PHACTR2: variants seen among roughly 807,000 people sequenced by gnomAD.
PHACTR2 encodes chromosome 6 open reading frame 56.
PHACTR2 carries 30 observed loss-of-function variants against 76.0 expected under a neutral mutation model. The observed-to-expected ratio is 0.39, with a 90% CI of 0.30 to 0.54. The LOEUF (loss-of-function observed/expected upper bound fraction) is 0.54. Among genes scored for constraint, PHACTR2 ranks in the 20% least tolerant of loss-of-function variants. The pLI, the probability that PHACTR2 is intolerant of heterozygous loss-of-function variation, is 0.61. For missense variants in PHACTR2, 696 were observed against 781.1 expected (o/e 0.89, Z 1.30); for synonymous variants, 292 against 292.5 (o/e 1.00, Z 0.02).
upstream of PHACTR2, among the ~76,000 whole-genome samples, chr6:143,675,850 G>T (rs894160280): frequency 6.6e-6 from 1 of 152,112 alleles, no homozygotes; most frequent in Admixed American, 6.5e-5. This position sits in a 1 kb window ranked among gnomAD's most constrained non-coding sequence, Gnocchi z 4.9. Context: ...GTTCTAATAA[G>T]GCAAGAGTAA....
rs550204496 is a variant in PHACTR2, at chr6:143,774,681, A to G, written c.1589+466A>G. ...ACTCACTAGCATTCCTGGGAATGCC[A>G]TGAGGTTCTGCCCTGTGGACTGTGA... is the stretch of plus-strand genomic sequence containing the variant. On this transcript the variant is annotated intron_variant, in intron 8 of 12. Coordinates refer to ENST00000440869, the MANE Select transcript of PHACTR2 (RefSeq NM_001100164.2). This position sits in a 1 kb window ranked among gnomAD's most constrained non-coding sequence, Gnocchi z 5.4. 6.6e-6 allele frequency among the ~76,000 whole-genome samples: 1 copy of G among 152,212 alleles called. No individual in the cohort carries two copies. The highest frequency in any genetic ancestry group is 2.4e-5 in the African/African-American group (1 of 41,460).
At chr6:143,615,755 T>C (rs1177212391) in intron 1 of PHACTR2, among the ~76,000 whole-genome samples, 1 of 152,192 alleles carries the variant, frequency 6.6e-6, no homozygotes, top group Non-Finnish European at 1.5e-5. Context: ...TTCTGGAATA[T>C]GAAAGAATTT....
At chr6:143,603,420 A>T (rs1419610931), upstream of PHACTR2, among the ~76,000 whole-genome samples, 2 of 152,190 alleles carry the variant, frequency 1.3e-5, no homozygotes, top group Non-Finnish European at 1.5e-5. Context: ...CCTTAAAAAA[A>T]AAAAAAGAGG....
In PHACTR2 at chr6:143,611,872, T is replaced by C. The variant is rs879323833; in HGVS notation, c.13+3550T>C. On this transcript the variant is annotated intron_variant, in intron 1 of 11. Transcript: ENST00000305766. This position sits in a 1 kb window ranked among gnomAD's most constrained non-coding sequence, Gnocchi z 4.4. ...AATGGGCATGGGGTTGGGGGATGCA[T>C]TGGATATGCATCAGCAGAGCACGAC... Among the ~76,000 whole-genome samples the C allele has an allele frequency of 5.3e-5, 8 of 152,226 alleles. No homozygotes were observed. The East Asian group carries it at 5.8e-4, about 11-fold the overall frequency.
intron 12 of PHACTR2, among the ~76,000 whole-genome samples, chr6:143,813,337 C>T (rs1284816989): frequency 2.6e-5 from 4 of 151,974 alleles, no homozygotes; most frequent in Non-Finnish European, 5.9e-5. Flanking sequence ...AATTCAGATG[C>T]AGCCGGGTGC....
chr6:143,630,709 G>A (rs142958637), intron 1 of PHACTR2, among the ~76,000 whole-genome samples: 12 of 152,258 alleles, frequency 7.9e-5, no homozygotes, highest in South Asian at 4.1e-4. Flanking sequence ...TACATCATAC[G>A]TAATTCACAT....
At position 143,549,067 on chromosome 6, in the gene PHACTR2, T is replaced by C. The variant is rs548022536; in HGVS notation, c.217+11860T>C. Among the ~76,000 whole-genome samples, 4 of 152,072 alleles carry C rather than the reference T, an allele frequency of 2.6e-5. No homozygotes were observed. Among genetic ancestry groups the C allele is most frequent in the African/African-American group, 7.2e-5 (3 of 41,518 alleles). ...AGGCATTCTCTCCCCCCGACCCAGA[T>C]TGACATGGTGCCTGATCTCCTCCCC... is the stretch of plus-strand genomic sequence containing the variant. On this transcript the variant is annotated intron_variant, in intron 1 of 11. Transcript: ENST00000367584. The surrounding 1 kb of genome is among the most constrained non-coding windows in gnomAD (Gnocchi z 4.2).
chr6:143,575,219 T>C (rs1249424360), intron 1 of PHACTR2, among the ~76,000 whole-genome samples: 1 of 152,248 alleles, frequency 6.6e-6, no homozygotes, highest in Non-Finnish European at 1.5e-5. Flanking sequence ...TCTTTGAACA[T>C]CATGATTTCT....
chr6:143,771,726 C>T (rs564458421), intron 6 of PHACTR2, among the ~76,000 whole-genome samples: 1 of 152,082 alleles, frequency 6.6e-6, no homozygotes, highest in Non-Finnish European at 1.5e-5. Flanking sequence ...TGTGAGCCAC[C>T]GAACCCAGCC....
At chr6:143,544,260 A>AG (rs1781200402) in intron 1 of PHACTR2, among the ~76,000 whole-genome samples, 13 of 152,244 alleles carry the variant, frequency 8.5e-5, no homozygotes, top group Middle Eastern at 3.4e-3. Context: ...GTGGGAAGGA[A>AG]GGAAGGCGGG....
At chr6:143,756,007 G>A (rs1318347671) in intron 4 of PHACTR2, among the ~76,000 whole-genome samples, 1 of 151,706 alleles carries the variant, frequency 6.6e-6, no homozygotes, top group East Asian at 1.9e-4. Flanking sequence ...CCTTTATTTT[G>A]GGATACAGTG....
At position 143,751,791 on chromosome 6, in the gene PHACTR2, T is replaced by TACACAC. The variant is rs71024875; in HGVS notation, c.296-1934_296-1929dup. On this transcript the variant is annotated intron_variant, in intron 3 of 12. Coordinates refer to ENST00000440869, the MANE Select transcript of PHACTR2 (RefSeq NM_001100164.2). This position sits in a 1 kb window ranked among gnomAD's most constrained non-coding sequence, Gnocchi z 5.7. ...TCCTTTGCTCTGCTTGTATTTTACTTACACACACACACACACACACACACA... is the reference window on the plus strand; with the variant it reads ...TCCTTTGCTCTGCTTGTATTTTACTTACACACACACACACACACACACACACACACA... 0.12 allele frequency among the ~76,000 whole-genome samples: 17,129 copies of TACACAC among 140,196 alleles called. 1,135 individuals carry two copies. Among genetic ancestry groups the TACACAC allele is most frequent in the Middle Eastern group, 0.22 (59 of 274 alleles). The allele number at this position is 140,196 out of a possible 152,430, so 92.0% of individuals were successfully genotyped here. A position where few individuals can be genotyped will look rare whatever the true frequency, so the allele number is the denominator to read the frequency against.
chr6:143,553,267 A>G lies in PHACTR2; in HGVS notation c.217+16060A>G, dbSNP rs771042261. Among the ~76,000 whole-genome samples the G allele has an allele frequency of 6.6e-6, 1 of 152,252 alleles. No homozygotes were observed. The highest frequency in any genetic ancestry group is 1.5e-5 in the Non-Finnish European group (1 of 68,040). Reference sequence around the variant, plus strand: ...TGGCAAGGAGAGATTTTAATGAGTGATAGACTATTGCTATAGAGAACTATT... The same window carrying G: ...TGGCAAGGAGAGATTTTAATGAGTGGTAGACTATTGCTATAGAGAACTATT... On this transcript the variant is annotated intron_variant, in intron 1 of 11. Coordinates refer to the PHACTR2 transcript ENST00000367584. This position sits in a 1 kb window ranked among gnomAD's most constrained non-coding sequence, Gnocchi z 4.2.
At chr6:143,715,696 G>C (rs1778285667) in intron 2 of PHACTR2, among the ~76,000 whole-genome samples, 1 of 152,134 alleles carries the variant, frequency 6.6e-6, no homozygotes, top group South Asian at 2.1e-4. Context: ...GAGTGGAAAA[G>C]TACTATCTAT....
rs1006631241 is a variant in PHACTR2, at chr6:143,616,191, A to T, written c.13+7869A>T. ...CCCAAAATTATTTTGAATTTTTTTC[A>T]CATAAACCAATTTTTTCCAAATATT... On this transcript the variant is annotated intron_variant, in intron 1 of 11. Coordinates refer to the PHACTR2 transcript ENST00000305766. This position sits in a 1 kb window ranked among gnomAD's most constrained non-coding sequence, Gnocchi z 4.9. 2.0e-5 allele frequency among the ~76,000 whole-genome samples: 3 copies of T among 152,176 alleles called. No individual in the cohort carries two copies. Among genetic ancestry groups the T allele is most frequent in the African/African-American group, 7.2e-5 (3 of 41,446 alleles).
Position 143,794,018 on chromosome 6 carries a change from A to G in PHACTR2, c.1845+5108A>G, listed in dbSNP as rs1482769154. ...GTAGTATATTGTATATACACAAGTGATGAATATTCATTGGGCCATATCTGA... is the reference window on the plus strand; with the variant it reads ...GTAGTATATTGTATATACACAAGTGGTGAATATTCATTGGGCCATATCTGA... On this transcript the variant is annotated intron_variant, in intron 11 of 12. Coordinates refer to ENST00000440869, the MANE Select transcript of PHACTR2 (RefSeq NM_001100164.2). This position sits in a 1 kb window ranked among gnomAD's most constrained non-coding sequence, Gnocchi z 4.1. 6.6e-6 allele frequency among the ~76,000 whole-genome samples: 1 copy of G among 152,098 alleles called. No individual in the cohort carries two copies. The highest frequency in any genetic ancestry group is 1.5e-5 in the Non-Finnish European group (1 of 68,008).
At chr6:143,572,572 A>G (rs780143279) in intron 1 of PHACTR2, among the ~76,000 whole-genome samples, 24 of 152,050 alleles carry the variant, frequency 1.6e-4, no homozygotes, top group Non-Finnish European at 2.9e-4. Flanking sequence ...TTGTTTTTGA[A>G]ATGGAGAATC....
chr6:143,549,773 T>A lies in PHACTR2; in HGVS notation c.217+12566T>A, dbSNP rs1351054418. On this transcript the variant is annotated intron_variant, in intron 1 of 11. Transcript: ENST00000367584. This position sits in a 1 kb window ranked among gnomAD's most constrained non-coding sequence, Gnocchi z 4.2. Reference sequence around the variant, plus strand: ...AGCCTTCTTCTAAGGCTTCCCTTGATGTTCATGTTTGCAGGCCCTCACCTG... The same window carrying A: ...AGCCTTCTTCTAAGGCTTCCCTTGAAGTTCATGTTTGCAGGCCCTCACCTG... 6.6e-6 allele frequency among the ~76,000 whole-genome samples: 1 copy of A among 151,948 alleles called. No homozygotes were observed. The highest frequency in any genetic ancestry group is 1.5e-5 in the Non-Finnish European group (1 of 67,938).
At chr6:143,768,675 GA>G (rs1267874614) in intron 6 of PHACTR2, among the ~76,000 whole-genome samples, 1 of 152,166 alleles carries the variant, frequency 6.6e-6, no homozygotes, top group African/African-American at 2.4e-5. Flanking sequence ...TCAAGTATAT[GA>G]AGAACTGTCA....
Sources: allele counts gnomAD v4.1 joint callset (sites outside exome capture counted in the v4.1 genomes callset), GRCh38; gene constraint gnomAD v4.1.1; non-coding constraint Gnocchi (gnomAD v3.1); transcripts MANE v1.5; gene names NCBI Gene and HGNC (gene_info 2026-07-23, HGNC 2026-07-21).